Variants in AGO2 observed in about 807,000 individuals in gnomAD.
AGO2 encodes argonaute RISC catalytic component 2.
Under a neutral mutation model 102.3 loss-of-function variants are expected in AGO2, and 5 were observed. The observed-to-expected ratio is 0.05, with a 90% CI of 0.03 to 0.10. AGO2 has a LOEUF of 0.10. AGO2 is among the 10% of genes least tolerant of loss of function. AGO2 has a pLI of 1.00. For missense variants in AGO2, 541 were observed against 1,183.7 expected (o/e 0.46, Z 7.97); for synonymous variants, 449 against 473.1 (o/e 0.95, Z 0.66).
chr8:140,562,431 T>G lies in AGO2; in HGVS notation c.518+22A>C, dbSNP rs1177094012. 5 of 1,598,394 alleles carry G rather than the reference T, an allele frequency of 3.1e-6. No individual in the cohort carries two copies. The African/African-American group carries it at 4.0e-5, about 13-fold the overall frequency. ...GAGCTGCAGGGGAGTCCCCCGCCCT[T>G]GGTCCCGTGTGGCGCCCTCACCTCA... On this transcript the variant is annotated intron_variant, in intron 4 of 18. Transcript: ENST00000220592.
At chr8:140,573,284 C>A (rs1339253185) in intron 2 of AGO2, among the ~76,000 whole-genome samples, 1 of 152,140 alleles carries the variant, frequency 6.6e-6, no homozygotes, top group East Asian at 1.9e-4. Flanking sequence ...ATTCTCCTGC[C>A]TCAGCCTCCC....
intron 1 of AGO2, among the ~76,000 whole-genome samples, chr8:140,618,673 C>CA (rs1185577824): frequency 8.6e-5 from 13 of 151,830 alleles, no homozygotes; most frequent in East Asian, 1.9e-4. Flanking sequence ...ACAAAAAACA[C>CA]AAAAAATCAG....
intron 16 of AGO2, among the ~76,000 whole-genome samples, chr8:140,538,491 G>A (rs963035440): frequency 1.3e-5 from 2 of 152,170 alleles, no homozygotes; most frequent in South Asian, 2.1e-4. Context: ...CCTGCCTTTC[G>A]TCAGCTGTGG....
chr8:140,560,572 C>G, intron 4 of AGO2, 62 bp from the exon 5 acceptor site: 4 of 1,566,520 alleles, frequency 2.6e-6, no homozygotes, highest in Non-Finnish European at 3.5e-6. Context: ...GAACAGCTGC[C>G]TCTGGGTGGG....
intron 4 of AGO2, among the ~76,000 whole-genome samples, chr8:140,562,018 A>G (rs1334011518): frequency 6.6e-6 from 1 of 152,220 alleles, no homozygotes; most frequent in Non-Finnish European, 1.5e-5. Flanking sequence ...CATTTGTGGT[A>G]AAAGAGTAAT....
chr8:140,630,058 C>T (rs1198393520), intron 1 of AGO2, among the ~76,000 whole-genome samples: 2 of 152,100 alleles, frequency 1.3e-5, no homozygotes, highest in Non-Finnish European at 2.9e-5. Context: ...AACGGGGACA[C>T]GCGTCAGCAC....
chr8:140,596,893 C>G (rs1342272600), intron 1 of AGO2, among the ~76,000 whole-genome samples: 1 of 152,170 alleles, frequency 6.6e-6, no homozygotes, highest in African/African-American at 2.4e-5. Flanking sequence ...CGAGACACAA[C>G]CCTGTCCGGG....
At chr8:140,586,130 C>T (rs1201290275) in intron 1 of AGO2, among the ~76,000 whole-genome samples, 3 of 152,260 alleles carry the variant, frequency 2.0e-5, no homozygotes, top group African/African-American at 4.8e-5. Flanking sequence ...TTCCATGACA[C>T]TCCACCCTTC....
chr8:140,540,836 C>T lies in AGO2; in HGVS notation c.2034+328G>A, dbSNP rs1327560754. Among the ~76,000 whole-genome samples, 1 of 152,214 alleles carries T rather than the reference C, an allele frequency of 6.6e-6. No individual in the cohort carries two copies. Among genetic ancestry groups the T allele is most frequent in the African/African-American group, 2.4e-5 (1 of 41,466 alleles). ...CGACAGCTCTCCACAGCCTGCAAGG[C>T]AAAGCCAGGCCCTCGGGAAGCCCCC... On this transcript the variant is annotated intron_variant, in intron 15 of 18. Coordinates refer to ENST00000220592, the MANE Select transcript of AGO2 (RefSeq NM_012154.5). The surrounding 1 kb of genome is among the most constrained non-coding windows in gnomAD (Gnocchi z 5.0).
intron 2 of AGO2, among the ~76,000 whole-genome samples, chr8:140,574,934 C>T (rs796808407): frequency 3.3e-5 from 5 of 152,274 alleles, no homozygotes; most frequent in African/African-American, 9.6e-5. Flanking sequence ...TCCCAAAAGT[C>T]GAGGCAAGCT....
At chr8:140,559,782 C>A (rs2073165992) in intron 5 of AGO2, among the ~76,000 whole-genome samples, 1 of 152,270 alleles carries the variant, frequency 6.6e-6, no homozygotes, top group Non-Finnish European at 1.5e-5. Flanking sequence ...AGACTAAAGT[C>A]ACCCTCCGAG....
At chr8:140,576,964 T>A (rs993157271) in intron 2 of AGO2, among the ~76,000 whole-genome samples, 5 of 151,894 alleles carry the variant, frequency 3.3e-5, no homozygotes, top group Non-Finnish European at 5.9e-5. Flanking sequence ...TCCCAACACT[T>A]TGGGAGGCCG....
intron 1 of AGO2, among the ~76,000 whole-genome samples, chr8:140,607,483 T>C (rs1457053946): frequency 1.9e-4 from 4 of 21,372 alleles, no homozygotes; most frequent in South Asian, 3.2e-3. Flanking sequence ...TATATATATA[T>C]ATATATATAT....
At chr8:140,605,506 G>A (rs1239069460) in intron 1 of AGO2, among the ~76,000 whole-genome samples, 1 of 152,240 alleles carries the variant, frequency 6.6e-6, no homozygotes, top group African/African-American at 2.4e-5. Context: ...GCAGGGCTCT[G>A]GGGTAGGGAG....
chr8:140,549,585 G>A (rs1224189407), intron 11 of AGO2, among the ~76,000 whole-genome samples: 1 of 152,244 alleles, frequency 6.6e-6, no homozygotes, highest in African/African-American at 2.4e-5. Flanking sequence ...CCTTTAAACC[G>A]CGCTCACGCT....
intron 2 of AGO2, among the ~76,000 whole-genome samples, chr8:140,579,438 T>C (rs1203452827): frequency 2.6e-5 from 4 of 152,144 alleles, no homozygotes; most frequent in Admixed American, 2.0e-4. Context: ...TTGGGATCTT[T>C]CCTCCTAACT....
intron 2 of AGO2, among the ~76,000 whole-genome samples, chr8:140,581,950 C>CA (rs1410642353): frequency 1.1e-4 from 17 of 152,192 alleles, no homozygotes; most frequent in Admixed American, 1.1e-3. Flanking sequence ...ACACTATACT[C>CA]AACAGCAGTC....
Position 140,544,222 on chromosome 8 carries a change from G to A in AGO2, c.1830C>T (p.Ser610=), listed in dbSNP as rs114120208. 85 of 1,588,780 alleles carry A rather than the reference G, an allele frequency of 5.4e-5. No homozygotes were observed. In the African/African-American group the frequency reaches 1.0e-3, roughly 19 times the overall value. The part of the protein sequence containing the change: ...HPPAGDGKKP[S]IAAVVGSMDA... ...AAGCGCTGACACTCACGGCGGCAAT[G>A]GAGGGCTTCTTCCCATCCCCGGCGG... Residue 610 remains serine, a synonymous_variant, in exon 14 of 19, where the codon TCC becomes TCT. Coordinates refer to ENST00000220592, the MANE Select transcript of AGO2 (RefSeq NM_012154.5).
chr8:140,568,676 T>G (rs545721120), intron 3 of AGO2, among the ~76,000 whole-genome samples: 14 of 152,306 alleles, frequency 9.2e-5, no homozygotes, highest in African/African-American at 2.9e-4. Context: ...TGTGACTCTG[T>G]AGGGCAGCAG....
Sources: allele counts gnomAD v4.1 joint callset (sites outside exome capture counted in the v4.1 genomes callset), GRCh38; gene constraint gnomAD v4.1.1; non-coding constraint Gnocchi (gnomAD v3.1); transcripts MANE v1.5; gene names NCBI Gene and HGNC (gene_info 2026-07-23, HGNC 2026-07-21).